The following RAB38 variants were observed in gnomAD, a reference collection of about 807,000 sequenced individuals.
RAB38 encodes the protein ras-related protein Rab-38.
Under a neutral mutation model 18.4 loss-of-function variants are expected in RAB38, and 15 were observed. The observed-to-expected ratio is 0.82, with a 90% confidence interval of 0.55 to 1.26. The LOEUF is 1.26. RAB38 is among the 50% of genes most tolerant of loss of function. The probability of loss-of-function intolerance (pLI) is 0.00; values close to 1 mark genes in which losing one functional copy is unlikely to be tolerated. For missense variants in RAB38, 294 were observed against 267.4 expected, an observed-to-expected ratio of 1.10 and a Z score of -0.69; for synonymous variants, 101 against 104.4, an observed-to-expected ratio of 0.97 and a Z score of 0.20.
chr11:88,125,575 T>C (rs1376670047), intron 2 of RAB38, among the ~76,000 whole-genome samples: 2 of 152,212 alleles, frequency 1.3e-5, no homozygotes, highest in African/African-American at 4.8e-5. Flanking sequence ...GACTCAGAAC[T>C]TGTGAATTTG....
chr11:88,027,803 C>A, the RAB38 span, among the ~76,000 whole-genome samples: 1 of 152,332 alleles, frequency 6.6e-6, no homozygotes, highest in Non-Finnish European at 1.5e-5. Context: ...GGGCAGGGAA[C>A]AGACAAACAA....
the RAB38 span, among the ~76,000 whole-genome samples, chr11:87,867,786 T>A: frequency 6.6e-6 from 1 of 151,698 alleles, no homozygotes; most frequent in East Asian, 1.9e-4. Flanking sequence ...CCATGGACTC[T>A]TAACAGGTAA....
At chr11:88,038,988 A>G in the RAB38 span, among the ~76,000 whole-genome samples, 1 of 152,194 alleles carries the variant, frequency 6.6e-6, no homozygotes, top group Non-Finnish European at 1.5e-5. Context: ...CTTTCCTTTT[A>G]TAAGTAGAGT....
chr11:88,083,720 C>T, the RAB38 span, among the ~76,000 whole-genome samples: 3 of 151,914 alleles, frequency 2.0e-5, no homozygotes, highest in Non-Finnish European at 4.4e-5. Flanking sequence ...GGAACTAGCT[C>T]AAGCTTTTTT....
chr11:87,941,212 GAGATATATATATATATATATATAT>G, the RAB38 span, among the ~76,000 whole-genome samples: 3 of 37,780 alleles, frequency 7.9e-5, no homozygotes, highest in Non-Finnish European at 1.4e-4. Context: ...ATAAATATAT[GAGATATATATATATATATATATAT>G]ATATATATAT....
At chr11:87,927,978 T>C in the RAB38 span, among the ~76,000 whole-genome samples, 2 of 151,844 alleles carry the variant, frequency 1.3e-5, no homozygotes, top group Non-Finnish European at 2.9e-5. Flanking sequence ...CTCGGGAGGC[T>C]GAGGTGGGAG....
the RAB38 span, among the ~76,000 whole-genome samples, chr11:87,960,655 G>A: frequency 6.6e-6 from 1 of 152,132 alleles, no homozygotes; most frequent in Non-Finnish European, 1.5e-5. Context: ...CTCTGTACAA[G>A]GTGAGCGACT....
the RAB38 span, among the ~76,000 whole-genome samples, chr11:88,079,676 T>C: frequency 6.6e-6 from 1 of 151,648 alleles, no homozygotes; most frequent in African/African-American, 2.4e-5. Flanking sequence ...AACCTAGTAA[T>C]ATAAAAAATG....
chr11:88,119,184 T>C (rs1942598065), intron 2 of RAB38, among the ~76,000 whole-genome samples: 2 of 152,056 alleles, frequency 1.3e-5, no homozygotes, highest in African/African-American at 2.4e-5. Flanking sequence ...CTTCCAGACA[T>C]TGATCTAATT....
At chr11:87,827,539 C>A in the RAB38 span, among the ~76,000 whole-genome samples, 1 of 151,908 alleles carries the variant, frequency 6.6e-6, no homozygotes, top group African/African-American at 2.4e-5. Flanking sequence ...TTTTACTGAA[C>A]CTAGACTGAA....
the RAB38 span, among the ~76,000 whole-genome samples, chr11:87,845,651 T>A: frequency 6.6e-6 from 1 of 152,132 alleles, no homozygotes; most frequent in Non-Finnish European, 1.5e-5. Flanking sequence ...CTGAATGCTT[T>A]CAAGCTTTCA....
intron 2 of RAB38, among the ~76,000 whole-genome samples, chr11:88,149,075 C>A (rs1943029377): frequency 6.9e-6 from 1 of 145,646 alleles, no homozygotes; most frequent in East Asian, 2.0e-4. Flanking sequence ...GATCCTTCAT[C>A]TTCCAGCCCT....
the RAB38 span, among the ~76,000 whole-genome samples, chr11:87,922,742 A>G: frequency 1.3e-5 from 2 of 151,944 alleles, no homozygotes; most frequent in Admixed American, 6.6e-5. Context: ...TGACTGGAAC[A>G]TGTTGACACT....
the RAB38 span, among the ~76,000 whole-genome samples, chr11:88,045,080 C>T: frequency 2.6e-5 from 4 of 152,238 alleles, no homozygotes; most frequent in East Asian, 3.9e-4. Flanking sequence ...TCTTTTTCAT[C>T]GAATATAAAA....
At chr11:88,139,275 C>T (rs1326249640) in intron 2 of RAB38, among the ~76,000 whole-genome samples, 2 of 152,100 alleles carry the variant, frequency 1.3e-5, no homozygotes, top group African/African-American at 4.8e-5. Context: ...TGCCACACTG[C>T]ACAATATCCA....
At chr11:87,967,529 T>C in the RAB38 span, among the ~76,000 whole-genome samples, 1 of 152,172 alleles carries the variant, frequency 6.6e-6, no homozygotes, top group Admixed American at 6.5e-5. Context: ...ATGAAGGAGA[T>C]AGTGATCCCA....
the RAB38 span, among the ~76,000 whole-genome samples, chr11:87,809,912 ATAT>A: frequency 6.6e-6 from 1 of 150,398 alleles, no homozygotes; most frequent in Non-Finnish European, 1.5e-5. Context: ...CAGTTTCAAA[ATAT>A]TATATCTCTT....
At position 88,123,087 on chromosome 11, in the gene RAB38, C is replaced by T. The variant is rs560108990; in HGVS notation, c.484-8947G>A. The stretch of plus-strand genomic sequence containing the variant: ...TACATAATTAGTCCTCCAATGAATA[C>T]AATCTCCTGTCTCCTTCTTCTTCCT... On this transcript the variant is annotated intron_variant, in intron 2 of 2. Transcript: ENST00000243662. 2.6e-5 allele frequency among the ~76,000 whole-genome samples: 4 copies of T among 152,304 alleles called. No homozygotes were observed. In the South Asian group the frequency reaches 6.2e-4, roughly 24 times the overall value.
chr11:87,976,471 T>C, the RAB38 span, among the ~76,000 whole-genome samples: 2 of 129,570 alleles, frequency 1.5e-5, no homozygotes, highest in South Asian at 2.3e-4. Flanking sequence ...ATATTTTACA[T>C]ATAGTTATAT....
Sources: gnomAD v4.1 joint callset for allele counts (sites outside exome capture counted in the v4.1 genomes callset) on GRCh38, gnomAD v4.1.1 for gene constraint, MANE v1.5 for transcripts, NCBI Gene and HGNC (gene_info 2026-07-23, HGNC 2026-07-21) for gene names.